Variants in HAO1 observed in about 807,000 individuals in gnomAD.
The protein encoded by HAO1 is hydroxyacid oxidase 1, also known as 2-Hydroxyacid oxidase 1.
HAO1 carries 34 observed loss-of-function variants against 39.7 expected under a neutral mutation model. The ratio of observed to expected loss-of-function variants is 0.86; its 90% CI spans 0.65 to 1.14. The LOEUF is 1.14. HAO1 is among the 50% of genes most tolerant of loss of function. The pLI is 0.00. For missense variants in HAO1, 479 were observed against 464.5 expected, an observed-to-expected ratio of 1.03 and a Z score of -0.29; for synonymous variants, 172 against 173.2, an observed-to-expected ratio of 0.99 and a Z score of 0.05.
chr20:7,898,263 C>T (rs971634595), intron 4 of HAO1, among the ~76,000 whole-genome samples: 1 of 152,122 alleles, frequency 6.6e-6, no homozygotes, highest in Admixed American at 6.6e-5. Context: ...CCTACAGCCT[C>T]TCAAGCATTC....
At chr20:7,926,494 C>T (rs2050359887) in intron 2 of HAO1, among the ~76,000 whole-genome samples, 2 of 152,056 alleles carry the variant, frequency 1.3e-5, no homozygotes, top group African/African-American at 2.4e-5. Context: ...ATCAATAAAG[C>T]TTTCAAAAAA....
At chr20:7,924,746 G>A (rs1333285608) in intron 2 of HAO1, among the ~76,000 whole-genome samples, 2 of 152,152 alleles carry the variant, frequency 1.3e-5, no homozygotes, top group East Asian at 3.8e-4. Flanking sequence ...TAAGGAAAAA[G>A]AGGAAAGAGG....
At chr20:7,908,034 C>T (rs1346847270) in intron 3 of HAO1, among the ~76,000 whole-genome samples, 3 of 152,152 alleles carry the variant, frequency 2.0e-5, no homozygotes, top group Non-Finnish European at 4.4e-5. Context: ...TTAGTCCCAT[C>T]TCTTTCTTCC....
intron 5 of HAO1, among the ~76,000 whole-genome samples, chr20:7,891,707 G>A (rs1443983182): frequency 1.3e-5 from 2 of 151,986 alleles, no homozygotes; most frequent in East Asian, 1.9e-4. Flanking sequence ...TTTAAAAAAC[G>A]GTCTCAGGGA....
intron 4 of HAO1, among the ~76,000 whole-genome samples, chr20:7,903,247 A>G (rs527266179): frequency 2.0e-5 from 3 of 151,958 alleles, no homozygotes; most frequent in South Asian, 2.1e-4. Context: ...ATGTATAAAT[A>G]AGTTATTTCC....
At chr20:7,931,109 A>C (rs1375460387) in intron 2 of HAO1, among the ~76,000 whole-genome samples, 1 of 152,230 alleles carries the variant, frequency 6.6e-6, no homozygotes, top group Non-Finnish European at 1.5e-5. Context: ...TAAATACAGA[A>C]TAGAAACTCT....
chr20:7,937,051 G>C (rs978354323), intron 1 of HAO1, among the ~76,000 whole-genome samples: 1 of 151,994 alleles, frequency 6.6e-6, no homozygotes, highest in East Asian at 1.9e-4. Context: ...ATAATAAACC[G>C]TTTTCAAAGG....
At position 7,940,383 on chromosome 20, in the gene HAO1, G is replaced by A. The variant is rs780908838; in HGVS notation, c.40C>T (p.His14Tyr). Residue 14 changes from histidine (H) to tyrosine (Y), a missense_variant, in exon 1 of 8, where the codon CAT becomes TAT. Transcript: ENST00000378789. Reference protein sequence around the residue: ...RLICINDYEQHAKSVLPKSIY... With the variant: ...RLICINDYEQYAKSVLPKSIY... Reference sequence around the variant, plus strand: ...GACTTTGGAAGTACTGATTTAGCATGTTGTTCATAATCATTGATACAAATT... The same window carrying A: ...GACTTTGGAAGTACTGATTTAGCATATTGTTCATAATCATTGATACAAATT... The A allele has an allele frequency of 6.2e-7, 1 of 1,611,322 alleles. No individual in the cohort carries two copies. Among genetic ancestry groups the A allele is most frequent in the East Asian group, 2.2e-5 (1 of 44,772 alleles).
intron 3 of HAO1, among the ~76,000 whole-genome samples, chr20:7,913,170 G>GTTTTTTT (rs11438122): frequency 4.5e-5 from 6 of 134,298 alleles, no homozygotes; most frequent in South Asian, 2.3e-4. Context: ...CTAGTTTTTT[G>GTTTTTTT]TTTTTTTTTT....
intron 5 of HAO1, among the ~76,000 whole-genome samples, chr20:7,887,660 C>T (rs2050156685): frequency 6.6e-6 from 1 of 152,076 alleles, no homozygotes; most frequent in African/African-American, 2.4e-5. Context: ...CATATTTCCC[C>T]ATTTGAAACC....
chr20:7,924,194 G>GTGTTTTTGT (rs78746511), intron 2 of HAO1, among the ~76,000 whole-genome samples: 13,903 of 148,702 alleles, frequency 0.093, 678 homozygotes, highest in East Asian at 0.2. Context: ...AGTTTGGGTT[G>GTGTTTTTGT]TGTTGTTGTT....
At chr20:7,927,178 G>C (rs1254308185) in intron 2 of HAO1, among the ~76,000 whole-genome samples, 1 of 152,046 alleles carries the variant, frequency 6.6e-6, no homozygotes, top group Admixed American at 6.6e-5. Context: ...GCACCAAATG[G>C]TATAGTAAGC....
At chr20:7,914,132 C>T (rs2050294439) in intron 3 of HAO1, 32 bp downstream of exon 3, 1 of 1,610,106 alleles carries the variant, frequency 6.2e-7, no homozygotes, top group African/African-American at 1.3e-5. Flanking sequence ...ATCCCTTTCG[C>T]CTCAGCTCGG....
chr20:7,915,865 T>C (rs1022132042), intron 2 of HAO1, among the ~76,000 whole-genome samples: 1 of 152,242 alleles, frequency 6.6e-6, no homozygotes, highest in Non-Finnish European at 1.5e-5. Context: ...TACATGCTAA[T>C]GATGGGTGGG....
At position 7,914,298 on chromosome 20, in the gene HAO1, T is replaced by A; in HGVS notation, c.411A>T (p.Arg137=). Residue 137 remains arginine, a synonymous_variant, in exon 3 of 8, where the codon CGA becomes CGT. Coordinates refer to ENST00000378789, the MANE Select transcript of HAO1 (RefSeq NM_017545.3). ...GCCGCACTAGCTTCTTGGTGACTTCTCGGTCCTTGTAGATATACAGTTGCA... is the reference window on the plus strand; with the variant it reads ...GCCGCACTAGCTTCTTGGTGACTTCACGGTCCTTGTAGATATACAGTTGCA... ...RWLQLYIYKD[R]EVTKKLVRQA... The A allele has an allele frequency of 6.2e-7, 1 of 1,614,052 alleles. No individual in the cohort carries two copies. The highest frequency in any genetic ancestry group is 8.5e-7 in the Non-Finnish European group (1 of 1,179,982).
At chr20:7,898,778 T>C (rs923480515) in intron 4 of HAO1, among the ~76,000 whole-genome samples, 2 of 152,154 alleles carry the variant, frequency 1.3e-5, no homozygotes, top group Admixed American at 6.6e-5. Flanking sequence ...TCACCTTCAA[T>C]GTTTCCATGA....
At chr20:7,938,586 T>C (rs1293329998) in intron 1 of HAO1, among the ~76,000 whole-genome samples, 1 of 152,204 alleles carries the variant, frequency 6.6e-6, no homozygotes, top group African/African-American at 2.4e-5. Context: ...CCAAGCCTTC[T>C]ATGTCTCCCA....
chr20:7,889,386 T>C (rs925075456), intron 5 of HAO1, among the ~76,000 whole-genome samples: 1 of 152,176 alleles, frequency 6.6e-6, no homozygotes, highest in African/African-American at 2.4e-5. Flanking sequence ...AAAATGCTCA[T>C]AGGATTCAAA....
rs143969950 is a variant in HAO1 at position 7,922,791 on chromosome 20, T to G, written c.290-8372A>C. 2.0e-5 allele frequency among the ~76,000 whole-genome samples: 3 copies of G among 152,192 alleles called. No individual in the cohort carries two copies. The East Asian group carries it at 5.8e-4, about 29-fold the overall frequency. ...GGAAGAAAAATTGTAAAGTTCCCAG[T>G]GTAAGTTTTTGGTTTCTCTACTCTT... On this transcript the variant is annotated intron_variant, in intron 2 of 7. Transcript: ENST00000378789.
Sources: gnomAD v4.1 joint callset for allele counts (sites outside exome capture counted in the v4.1 genomes callset) on GRCh38, gnomAD v4.1.1 for gene constraint, MANE v1.5 for transcripts, NCBI Gene and HGNC (gene_info 2026-07-23, HGNC 2026-07-21) for gene names.